Variants in SPOCK3 observed in about 807,000 individuals in gnomAD.
The protein encoded by SPOCK3 is testican-3.
A neutral mutation model predicts 56.6 loss-of-function variants in SPOCK3; 30 were observed. That is an observed-to-expected ratio of 0.53 (90% CI 0.40 to 0.72). SPOCK3 has a LOEUF of 0.72. Ranked by LOEUF, SPOCK3 falls within the 30% of genes least tolerant of loss-of-function variation. The pLI is 0.00. For synonymous variants in SPOCK3, 196 were observed against 183.3 expected, an observed-to-expected ratio of 1.07 and a Z score of -0.56; for missense variants, 527 against 530.0, an observed-to-expected ratio of 0.99 and a Z score of 0.06.
chr4:167,147,960 AAAAGAAAG>A (rs147878659), intron 2 of SPOCK3, among the ~76,000 whole-genome samples: 1 of 151,978 alleles, frequency 6.6e-6, no homozygotes, highest in South Asian at 2.1e-4. Context: ...AAGTATAATA[AAAAGAAAG>A]AAAGAAAGAA....
At chr4:167,149,973 T>G (rs2150414408) in intron 2 of SPOCK3, among the ~76,000 whole-genome samples, 1 of 152,246 alleles carries the variant, frequency 6.6e-6, no homozygotes, top group Admixed American at 6.5e-5. Context: ...GTAATTCATT[T>G]AAATGGCTGT....
chr4:166,957,469 C>T (rs141981748), intron 4 of SPOCK3, among the ~76,000 whole-genome samples: 1 of 152,314 alleles, frequency 6.6e-6, no homozygotes, highest in East Asian at 1.9e-4. Flanking sequence ...GTCTCTCCTT[C>T]ATTCTTCTCC....
chr4:167,079,948 G>T (rs1413956607), intron 2 of SPOCK3, among the ~76,000 whole-genome samples: 1 of 151,946 alleles, frequency 6.6e-6, no homozygotes, highest in African/African-American at 2.4e-5. Context: ...AAGATAAAAG[G>T]ATTTAGACAG....
chr4:166,811,260 G>C (rs1038218538), intron 6 of SPOCK3, among the ~76,000 whole-genome samples: 4 of 148,136 alleles, frequency 2.7e-5, no homozygotes, highest in African/African-American at 4.9e-5. Flanking sequence ...GGTTTAATTT[G>C]TTATTTTCTT....
chr4:166,898,650 T>C (rs970144016), intron 5 of SPOCK3, among the ~76,000 whole-genome samples: 5 of 152,180 alleles, frequency 3.3e-5, no homozygotes, highest in Admixed American at 6.6e-5. Context: ...TGATGTGCTA[T>C]ATACTTGTAC....
chr4:167,223,196 T>C (rs1736226570), intron 2 of SPOCK3, among the ~76,000 whole-genome samples: 1 of 134,084 alleles, frequency 7.5e-6, no homozygotes, highest in African/African-American at 2.8e-5. Context: ...TATATATGAA[T>C]AATGTATATT....
rs75568152 is a variant in SPOCK3, at chr4:167,189,513, T to C, written c.189+44472A>G. Among the ~76,000 whole-genome samples, 515 of 145,514 alleles carry C rather than the reference T, an allele frequency of 3.5e-3. 77 individuals are homozygous for C. Among genetic ancestry groups the C allele is most frequent in the African/African-American group, 0.013 (496 of 38,168 alleles). On this transcript the variant is annotated intron_variant, in intron 2 of 10. Transcript: ENST00000357545. ...TTATTGAGGTACAATAAATAAAAAT[T>C]GTATGTTTCAAGGTGTACAATGTGA...
At chr4:167,160,644 T>C (rs1242699245) in intron 2 of SPOCK3, among the ~76,000 whole-genome samples, 4 of 152,030 alleles carry the variant, frequency 2.6e-5, no homozygotes, top group Non-Finnish European at 4.4e-5. Flanking sequence ...CAAACTATAC[T>C]ACAAGGCTAC....
At chr4:166,981,353 G>T (rs1746547100) in intron 4 of SPOCK3, among the ~76,000 whole-genome samples, 1 of 152,024 alleles carries the variant, frequency 6.6e-6, no homozygotes, top group African/African-American at 2.4e-5. Context: ...GCCAAGAGGA[G>T]AACTGGAGTG....
intron 2 of SPOCK3, among the ~76,000 whole-genome samples, chr4:167,157,617 TTA>T (rs1491157697): frequency 3.4e-5 from 5 of 145,132 alleles, no homozygotes; most frequent in African/African-American, 1.2e-4. Context: ...AAGGTTTTTT[TTA>T]AAAAAAAAAA....
intron 4 of SPOCK3, among the ~76,000 whole-genome samples, chr4:166,978,199 CT>C (rs958925127): frequency 1.3e-5 from 2 of 152,186 alleles, no homozygotes; most frequent in African/African-American, 2.4e-5. Flanking sequence ...ATAATTCTTA[CT>C]TCTCTTTCCA....
chr4:166,998,330 T>C (rs1748601055), intron 4 of SPOCK3, among the ~76,000 whole-genome samples: 1 of 152,142 alleles, frequency 6.6e-6, no homozygotes, highest in South Asian at 2.1e-4. Context: ...AGGCAAAGCT[T>C]CAGTAGTGCC....
At chr4:167,086,781 C>A (rs797013482) in intron 2 of SPOCK3, among the ~76,000 whole-genome samples, 27 of 152,198 alleles carry the variant, frequency 1.8e-4, no homozygotes, top group African/African-American at 6.3e-4. Context: ...CTAAAAACAA[C>A]CAAGGCTCAT....
rs1013111686 is a variant in SPOCK3 at position 167,156,808 on chromosome 4, G to A, written c.189+77177C>T. ...TCCAAAACATCTGGAGCTGAAAATG[G>A]AATTATTAAGACTCTTCCACAATTC... On this transcript the variant is annotated intron_variant, in intron 2 of 10. Coordinates refer to ENST00000357545, the MANE Select transcript of SPOCK3 (RefSeq NM_001040159.2). 2.0e-5 allele frequency among the ~76,000 whole-genome samples: 3 copies of A among 152,068 alleles called. No individual in the cohort carries two copies. In the South Asian group the frequency reaches 6.2e-4, roughly 31 times the overall value.
chr4:167,231,561 G>A (rs1259832782), intron 2 of SPOCK3, among the ~76,000 whole-genome samples: 2 of 152,044 alleles, frequency 1.3e-5, no homozygotes, highest in Non-Finnish European at 2.9e-5. Flanking sequence ...ATGCAGTATA[G>A]TATTATTTCA....
chr4:166,858,957 CTAAA>C (rs1730961509), intron 6 of SPOCK3, among the ~76,000 whole-genome samples: 2 of 152,078 alleles, frequency 1.3e-5, no homozygotes. Context: ...TGGTGGTCCC[CTAAA>C]ATTATAGTGG....
At chr4:166,860,649 G>A (rs1393926511) in intron 6 of SPOCK3, among the ~76,000 whole-genome samples, 1 of 151,484 alleles carries the variant, frequency 6.6e-6, no homozygotes, top group African/African-American at 2.4e-5. Flanking sequence ...CAGGAAGATA[G>A]AAGAGGCCCA....
At chr4:167,116,913 G>GTATATATATATA (rs70957813) in intron 2 of SPOCK3, among the ~76,000 whole-genome samples, 17 of 121,546 alleles carry the variant, frequency 1.4e-4, no homozygotes, top group Non-Finnish European at 2.4e-4. Flanking sequence ...GTGTGTGTGT[G>GTATATATATATA]TATATATATA....
chr4:167,057,279 C>T (rs57288052), intron 3 of SPOCK3, among the ~76,000 whole-genome samples: 1 of 151,668 alleles, frequency 6.6e-6, no homozygotes, highest in African/African-American at 2.4e-5. Context: ...AAGAGCTCCT[C>T]AAGGAAGCAC....
Sources: gnomAD v4.1 joint callset for allele counts (sites outside exome capture counted in the v4.1 genomes callset) on GRCh38, gnomAD v4.1.1 for gene constraint, MANE v1.5 for transcripts, NCBI Gene and HGNC (gene_info 2026-07-23, HGNC 2026-07-21) for gene names.